Variants in RAP1B observed in about 807,000 individuals in gnomAD.
RAP1B encodes RAP1B, member of RAS oncogene family, also known as ras-related protein Rap-1b.
In RAP1B, 1 loss-of-function variant was observed where a neutral mutation model predicts 27.5. The ratio of observed to expected loss-of-function variants is 0.04; its 90% CI spans 0.01 to 0.17. The LOEUF (loss-of-function observed/expected upper bound fraction) is 0.17. RAP1B is among the 10% of genes least tolerant of loss of function. The probability of loss-of-function intolerance (pLI) is 1.00; values close to 1 mark genes in which losing one functional copy is unlikely to be tolerated. For missense variants in RAP1B, 84 were observed against 214.8 expected (o/e 0.39, Z 3.81); for synonymous variants, 75 against 73.1 (o/e 1.03, Z -0.13).
chr12:68,612,739 A>G (rs1486755405), intron 1 of RAP1B, among the ~76,000 whole-genome samples: 5 of 152,244 alleles, frequency 3.3e-5, no homozygotes, highest in Admixed American at 6.5e-5. Context: ...AACTTTAAGC[A>G]CACAGAGCCT....
At chr12:68,643,336 T>G (rs541405635) in intron 1 of RAP1B, among the ~76,000 whole-genome samples, 19 of 152,316 alleles carry the variant, frequency 1.2e-4, no homozygotes, top group Admixed American at 5.9e-4. Flanking sequence ...CTAACTTAAG[T>G]CCTTTGCTAC....
At chr12:68,659,145 C>CT in intron 7 of RAP1B, 135 bp from the exon 8 acceptor site, 1 of 384,972 alleles carries the variant, frequency 2.6e-6, no homozygotes, top group Non-Finnish European at 5.1e-6. Flanking sequence ...TATGTTGCCA[C>CT]TAATGTAATG....
intron 1 of RAP1B, among the ~76,000 whole-genome samples, chr12:68,638,774 C>T (rs1275853680): frequency 1.3e-5 from 2 of 152,066 alleles, no homozygotes; most frequent in Admixed American, 1.3e-4. Flanking sequence ...GATTCTCCTG[C>T]CTCAGCCTCC....
chr12:68,625,381 G>A (rs1592428606), intron 1 of RAP1B, among the ~76,000 whole-genome samples: 2 of 152,216 alleles, frequency 1.3e-5, no homozygotes, highest in African/African-American at 2.4e-5. Flanking sequence ...AAGCCAGTGC[G>A]TGCGTAAGCA....
intron 1 of RAP1B, among the ~76,000 whole-genome samples, chr12:68,621,742 AG>A (rs1031708391): frequency 1.3e-5 from 2 of 152,236 alleles, no homozygotes; most frequent in African/African-American, 4.8e-5. Context: ...GTGATGCTTT[AG>A]TGGTTGATAC....
In RAP1B at chr12:68,671,595, A is replaced by G. The variant is rs1355069070; in HGVS notation, c.*12346A>G. On this transcript the variant is annotated 3_prime_UTR_variant, in exon 8 of 8. Transcript: ENST00000250559. ...GATGCATGTGGGCACCTGGGAAAGGAGATGAAGAAAGCAACTGAAGGATAT... is the reference window on the plus strand; with the variant it reads ...GATGCATGTGGGCACCTGGGAAAGGGGATGAAGAAAGCAACTGAAGGATAT... 1.3e-5 allele frequency: 2 copies of G among 152,316 alleles called. No individual in the cohort carries two copies. The highest frequency in any genetic ancestry group is 2.1e-4 in the South Asian group (1 of 4,820). 9.4% of individuals were successfully genotyped at this position (152,316 alleles called of 1,614,324 possible).
Position 68,650,380 on chromosome 12 carries a change from T to C in RAP1B, c.58-20T>C. ...ACTCTTTTCTTTAGAAGTATAATGG[T>C]TTCTTAATTTTTTTTTCAGACTGTA... On this transcript the variant is annotated intron_variant, in intron 2 of 7. Transcript: ENST00000250559. 1 of 1,525,894 alleles carries C rather than the reference T, an allele frequency of 6.6e-7. No homozygotes were observed. Among genetic ancestry groups the C allele is most frequent in the Non-Finnish European group, 8.9e-7 (1 of 1,129,710 alleles). The allele number at this position is 1,525,894 out of a possible 1,614,324, so 94.5% of individuals were successfully genotyped here.
At chr12:68,626,784 TGTTG>T in intron 1 of RAP1B, 2 of 1,267,054 alleles carry the variant, frequency 1.6e-6, no homozygotes, top group Admixed American at 2.1e-5. Flanking sequence ...GTTTTTTTTT[TGTTG>T]TTTGTTTGTT....
intron 1 of RAP1B, among the ~76,000 whole-genome samples, chr12:68,618,591 A>G (rs1871183506): frequency 6.6e-6 from 1 of 152,170 alleles, no homozygotes. Flanking sequence ...TATAATACTG[A>G]GACATTCTTT....
chr12:68,619,295 A>G (rs1871234623), intron 1 of RAP1B, among the ~76,000 whole-genome samples: 1 of 152,230 alleles, frequency 6.6e-6, no homozygotes, highest in Non-Finnish European at 1.5e-5. Flanking sequence ...AAATAGTGGT[A>G]GTATTTATGG....
intron 1 of RAP1B, among the ~76,000 whole-genome samples, chr12:68,614,867 G>A (rs141341131): frequency 3.9e-5 from 6 of 152,290 alleles, no homozygotes; most frequent in African/African-American, 1.2e-4. Context: ...GAGGTCTTAA[G>A]TTCTTTGTAA....
chr12:68,638,725 A>G (rs977910750), intron 1 of RAP1B, among the ~76,000 whole-genome samples: 29 of 152,192 alleles, frequency 1.9e-4, no homozygotes, highest in African/African-American at 3.6e-4. Flanking sequence ...CAGTGGCGCA[A>G]TCTTGGCTCA....
intron 1 of RAP1B, among the ~76,000 whole-genome samples, chr12:68,632,633 T>G (rs2135936587): frequency 6.6e-6 from 1 of 152,198 alleles, no homozygotes; most frequent in South Asian, 2.1e-4. Flanking sequence ...TAGGTTTGGT[T>G]TATGGTTAGT....
At chr12:68,641,792 T>TAA (rs35769842) in intron 1 of RAP1B, among the ~76,000 whole-genome samples, 18,205 of 146,122 alleles carry the variant, frequency 0.12, 1,477 homozygotes, top group South Asian at 0.36. Flanking sequence ...GAATCAAAGG[T>TAA]AAAAAAAAAA....
chr12:68,629,746 G>A (rs1464084090), intron 1 of RAP1B, among the ~76,000 whole-genome samples: 1 of 152,100 alleles, frequency 6.6e-6, no homozygotes, highest in African/African-American at 2.4e-5. Context: ...TCACATAGAG[G>A]TATTGAATGA....
chr12:68,643,019 T>C, intron 1 of RAP1B: 1 of 774,706 alleles, frequency 1.3e-6, no homozygotes, highest in East Asian at 2.4e-5. Context: ...CGACCCTGGC[T>C]GCCCACGGTC....
At chr12:68,650,306 G>A (rs1873722488) in intron 2 of RAP1B, 94 bp from the exon 3 acceptor site, 10 of 1,138,160 alleles carry the variant, frequency 8.8e-6, no homozygotes, top group Admixed American at 3.8e-5. Context: ...CATTGATGGT[G>A]TAACTCCCTG....
intron 1 of RAP1B, chr12:68,627,377 A>G (rs1281264702): frequency 7.7e-6 from 5 of 651,070 alleles, no homozygotes; most frequent in Non-Finnish European, 1.4e-5. Context: ...AGGCTGCAGC[A>G]GGGTGTTTTT....
rs190499527 is a variant in RAP1B, at chr12:68,648,333, C to T, written c.-26-366C>T. Among the ~76,000 whole-genome samples, 720 of 152,254 alleles carry T rather than the reference C, an allele frequency of 4.7e-3. 5 individuals are homozygous for T. The highest frequency in any genetic ancestry group is 0.02 in the Middle Eastern group (6 of 294). ...ATGTATGCCAGGGCTTGGCCAGATA[C>T]GTAAATATTTAGGCTCTGTTGTAAC... On this transcript the variant is annotated intron_variant, in intron 1 of 7. Transcript: ENST00000250559.
Sources: gnomAD v4.1 joint callset for allele counts (sites outside exome capture counted in the v4.1 genomes callset) on GRCh38, gnomAD v4.1.1 for gene constraint, MANE v1.5 for transcripts, NCBI Gene and HGNC (gene_info 2026-07-23, HGNC 2026-07-21) for gene names.